The following TRPM3 variants were observed in gnomAD, a reference collection of about 807,000 sequenced individuals.
The protein encoded by TRPM3 is long transient receptor potential channel 3.
Under a neutral mutation model 181.2 loss-of-function variants are expected in TRPM3, and 77 were observed. The observed-to-expected ratio is 0.42, with a 90% CI of 0.35 to 0.51. The LOEUF is 0.51. Among genes scored for constraint, TRPM3 ranks in the 20% least tolerant of loss-of-function variants. The probability of loss-of-function intolerance (pLI) is 0.01; values close to 1 mark genes in which losing one functional copy is unlikely to be tolerated. For missense variants in TRPM3, 1,759 were observed against 2,196.7 expected, an observed-to-expected ratio of 0.80 and a Z score of 3.98; for synonymous variants, 745 against 796.4, an observed-to-expected ratio of 0.94 and a Z score of 1.09.
intron 1 of TRPM3, among the ~76,000 whole-genome samples, chr9:71,430,640 C>T (rs761734226): frequency 5.3e-5 from 8 of 151,788 alleles, no homozygotes; most frequent in Non-Finnish European, 1.2e-4. Flanking sequence ...GGTGAAACCC[C>T]GTCTCTATTA....
intron 1 of TRPM3, among the ~76,000 whole-genome samples, chr9:71,005,036 G>A (rs1207615802): frequency 6.6e-6 from 1 of 152,192 alleles, no homozygotes; most frequent in East Asian, 1.9e-4. Context: ...GGAGATGAGA[G>A]AGAACAAGGC....
chr9:71,265,534 A>G (rs1294831644), intron 1 of TRPM3, among the ~76,000 whole-genome samples: 3 of 152,204 alleles, frequency 2.0e-5, no homozygotes, highest in Non-Finnish European at 4.4e-5. Flanking sequence ...AAGTCAACCA[A>G]ATTAATAGGC....
At chr9:71,080,573 A>G (rs2064147462) in intron 1 of TRPM3, among the ~76,000 whole-genome samples, 1 of 152,084 alleles carries the variant, frequency 6.6e-6, no homozygotes, top group South Asian at 2.1e-4. Context: ...AGGTCCTTGG[A>G]GCCTAGGTTC....
At chr9:70,610,448 C>T (rs1482741413) in intron 19 of TRPM3, among the ~76,000 whole-genome samples, 161 bp downstream of exon 19, 11 of 152,260 alleles carry the variant, frequency 7.2e-5, no homozygotes, top group South Asian at 2.1e-4. Context: ...GCCTAACAAA[C>T]GCCACAAATC....
intron 1 of TRPM3, among the ~76,000 whole-genome samples, chr9:70,925,536 A>AT: frequency 6.6e-6 from 1 of 152,124 alleles, no homozygotes; most frequent in African/African-American, 2.4e-5. Context: ...ATATGGAAAA[A>AT]AATATATATA....
At chr9:71,280,191 GT>G (rs2084592415) in intron 1 of TRPM3, among the ~76,000 whole-genome samples, 1 of 152,018 alleles carries the variant, frequency 6.6e-6, no homozygotes, top group South Asian at 2.1e-4. Context: ...CAACTAAGCA[GT>G]TTCCTCCAGT....
At chr9:71,236,959 A>T (rs143018358) in intron 1 of TRPM3, among the ~76,000 whole-genome samples, 33 of 149,936 alleles carry the variant, frequency 2.2e-4, no homozygotes, top group African/African-American at 7.6e-4. Context: ...AGGCATAAGA[A>T]TCGCTTGAAC....
chr9:71,220,414 ATAGGTGAGT>A (rs2080168486), intron 1 of TRPM3, among the ~76,000 whole-genome samples: 1 of 151,170 alleles, frequency 6.6e-6, no homozygotes, highest in African/African-American at 2.4e-5. Flanking sequence ...GTTGACCTAA[ATAGGTGAGT>A]TAGGGAAGAA....
rs1302512720 is a variant in TRPM3, at chr9:70,827,843, T to G, written c.973+4A>C. ...CCATGCCAGTGGGAACAACCGCTAC[T>G]TACTTGTGTTTATCTTCTGGAGTGA... On this transcript the variant is annotated splice_donor_region_variant and intron_variant, in intron 6 of 25. Coordinates refer to ENST00000677713, the MANE Select transcript of TRPM3 (RefSeq NM_001366145.2). 6.2e-7 allele frequency: 1 copy of G among 1,613,776 alleles called. No homozygotes were observed. The highest frequency in any genetic ancestry group is 8.5e-7 in the Non-Finnish European group (1 of 1,179,686).
chr9:70,866,184 G>A (rs1166446276), intron 1 of TRPM3, among the ~76,000 whole-genome samples: 2 of 152,054 alleles, frequency 1.3e-5, no homozygotes, highest in East Asian at 1.9e-4. Flanking sequence ...GGCAGAAAGA[G>A]GGTAAAATGC....
chr9:71,026,738 C>T (rs962487021), intron 1 of TRPM3, among the ~76,000 whole-genome samples: 1 of 152,196 alleles, frequency 6.6e-6, no homozygotes, highest in Non-Finnish European at 1.5e-5. Context: ...AGTGGACTCC[C>T]CTGCACCCTA....
intron 1 of TRPM3, among the ~76,000 whole-genome samples, chr9:71,063,486 T>C (rs1490687373): frequency 6.6e-6 from 1 of 152,124 alleles, no homozygotes; most frequent in African/African-American, 2.4e-5. Flanking sequence ...GTAACAAATG[T>C]AAATTAATGT....
intron 1 of TRPM3, among the ~76,000 whole-genome samples, chr9:71,158,394 T>A (rs1183605770): frequency 6.6e-6 from 1 of 152,180 alleles, no homozygotes; most frequent in African/African-American, 2.4e-5. Context: ...TCTAATTTAC[T>A]GTCATATCCA....
intron 1 of TRPM3, among the ~76,000 whole-genome samples, chr9:71,019,803 T>C (rs1186697685): frequency 1.3e-5 from 2 of 152,122 alleles, no homozygotes; most frequent in African/African-American, 4.8e-5. Flanking sequence ...CACAACCACA[T>C]TTCAAGCATT....
intron 1 of TRPM3, among the ~76,000 whole-genome samples, chr9:70,865,900 C>T (rs904199826): frequency 6.6e-6 from 1 of 152,050 alleles, no homozygotes; most frequent in Non-Finnish European, 1.5e-5. Flanking sequence ...CCTCAGAGAC[C>T]CTCAGGTCCA....
intron 1 of TRPM3, among the ~76,000 whole-genome samples, chr9:71,025,913 C>T (rs550383566): frequency 2.0e-5 from 3 of 152,200 alleles, no homozygotes; most frequent in South Asian, 2.1e-4. Context: ...GGGAGGCTGC[C>T]GGGAACTGAA....
At chr9:70,967,878 A>AT (rs2097201764) in intron 1 of TRPM3, among the ~76,000 whole-genome samples, 2 of 152,082 alleles carry the variant, frequency 1.3e-5, no homozygotes, top group Admixed American at 1.3e-4. Flanking sequence ...GATAAAGCTA[A>AT]TTCATACTAT....
At chr9:71,270,123 G>T (rs919511895) in intron 1 of TRPM3, among the ~76,000 whole-genome samples, 1 of 152,084 alleles carries the variant, frequency 6.6e-6, no homozygotes, top group Non-Finnish European at 1.5e-5. Flanking sequence ...GCCAAGGCAG[G>T]CTCATCACCT....
intron 1 of TRPM3, among the ~76,000 whole-genome samples, chr9:71,067,809 T>C (rs1015935165): frequency 6.6e-6 from 1 of 152,238 alleles, no homozygotes; most frequent in Non-Finnish European, 1.5e-5. Context: ...GAGATATCAA[T>C]GACCACATAC....
Sources: gnomAD v4.1 joint callset for allele counts (sites outside exome capture counted in the v4.1 genomes callset) on GRCh38, gnomAD v4.1.1 for gene constraint, MANE v1.5 for transcripts, NCBI Gene and HGNC (gene_info 2026-07-23, HGNC 2026-07-21) for gene names.